Variants in CA10 observed in about 807,000 individuals in gnomAD.
CA10 encodes the protein carbonic anhydrase-related protein 10.
In CA10, 14 loss-of-function variants were observed where a neutral mutation model predicts 44.2. That is an observed-to-expected ratio of 0.32 (90% CI 0.21 to 0.50). The LOEUF is 0.50. Among genes scored for constraint, CA10 ranks in the 20% least tolerant of loss-of-function variants. The pLI is 0.99. For missense variants in CA10, 350 were observed against 409.7 expected (o/e 0.85, Z 1.26); for synonymous variants, 159 against 141.6 (o/e 1.12, Z -0.87).
At chr17:51,937,734 T>A (rs193219808) in intron 2 of CA10, among the ~76,000 whole-genome samples, 7 of 152,276 alleles carry the variant, frequency 4.6e-5, no homozygotes, top group Admixed American at 2.6e-4. Context: ...CAAATAGTTA[T>A]AACAAAATAT....
At chr17:52,147,154 G>A (rs1989606171) in intron 1 of CA10, among the ~76,000 whole-genome samples, 1 of 152,218 alleles carries the variant, frequency 6.6e-6, no homozygotes, top group African/African-American at 2.4e-5. Context: ...AAAAGTTACA[G>A]TTTCAAAATT....
intron 2 of CA10, among the ~76,000 whole-genome samples, chr17:51,999,591 T>C (rs1985352501): frequency 6.6e-6 from 1 of 152,000 alleles, no homozygotes; most frequent in South Asian, 2.1e-4. Flanking sequence ...GCACCTTCAG[T>C]TCCTGCTGGA....
chr17:51,642,554 G>T (rs937054825), intron 6 of CA10, among the ~76,000 whole-genome samples: 1 of 152,200 alleles, frequency 6.6e-6, no homozygotes, highest in African/African-American at 2.4e-5. Context: ...TCAAAGCGCT[G>T]AATCTGAAAG....
At chr17:52,128,915 C>A (rs1989174534) in intron 1 of CA10, among the ~76,000 whole-genome samples, 1 of 152,202 alleles carries the variant, frequency 6.6e-6, no homozygotes, top group African/African-American at 2.4e-5. Context: ...CTCTAATTCC[C>A]ATGGGTGAAT....
chr17:52,031,941 C>G (rs1986480193), intron 2 of CA10, among the ~76,000 whole-genome samples: 2 of 152,016 alleles, frequency 1.3e-5, no homozygotes, highest in Admixed American at 1.3e-4. Context: ...AACAGAGGGA[C>G]CAAAATTTGA....
At chr17:52,110,080 G>A (rs981627310) in intron 1 of CA10, among the ~76,000 whole-genome samples, 4 of 152,090 alleles carry the variant, frequency 2.6e-5, no homozygotes, top group South Asian at 2.1e-4. Flanking sequence ...ACTAGACACC[G>A]GCATGAGTCC....
chr17:51,673,969 TC>T (rs35906990), intron 4 of CA10, among the ~76,000 whole-genome samples: 100,104 of 151,884 alleles, frequency 0.66, 33,189 homozygotes, highest in African/African-American at 0.7. Context: ...AGAATGTCCT[TC>T]CCCCCCAGGT....
intron 3 of CA10, among the ~76,000 whole-genome samples, chr17:51,770,875 C>T (rs1259467640): frequency 3.3e-5 from 5 of 151,966 alleles, no homozygotes; most frequent in African/African-American, 1.2e-4. Flanking sequence ...CCTGTATTCA[C>T]AGCACTTTGG....
chr17:51,777,590 AATAT>A (rs1905872873), intron 3 of CA10, among the ~76,000 whole-genome samples: 1 of 152,162 alleles, frequency 6.6e-6, no homozygotes, highest in Non-Finnish European at 1.5e-5. Flanking sequence ...AGTCATCTTA[AATAT>A]TATAGCATAG....
At chr17:52,153,651 T>C (rs1208889410) in intron 1 of CA10, among the ~76,000 whole-genome samples, 5 of 152,166 alleles carry the variant, frequency 3.3e-5, no homozygotes, top group Admixed American at 2.6e-4. Flanking sequence ...TCCTGGAAAA[T>C]AGGGTTTGTG....
intron 3 of CA10, among the ~76,000 whole-genome samples, chr17:51,926,413 T>C (rs1982431667): frequency 6.6e-6 from 1 of 152,234 alleles, no homozygotes; most frequent in African/African-American, 2.4e-5. Context: ...GTATAATCTT[T>C]ATGTTCACAT....
rs75056608 is a variant in CA10, at chr17:51,961,372, T to G, written c.137-30240A>C. On this transcript the variant is annotated intron_variant, in intron 2 of 8. Coordinates refer to ENST00000451037, the MANE Select transcript of CA10 (RefSeq NM_020178.5). Reference sequence around the variant, plus strand: ...ATTATAAGTGAAAAATTCAAATCAATAACCTAGGTTTCCATATTAAAATAT... The same window carrying G: ...ATTATAAGTGAAAAATTCAAATCAAGAACCTAGGTTTCCATATTAAAATAT... Among the ~76,000 whole-genome samples, 402 of 151,774 alleles carry G rather than the reference T, an allele frequency of 2.6e-3. 1 individual carries two copies. In the Middle Eastern group the frequency reaches 0.044, roughly 17 times the overall value.
At chr17:51,863,393 TG>T (rs1979402226) in intron 3 of CA10, among the ~76,000 whole-genome samples, 1 of 152,216 alleles carries the variant, frequency 6.6e-6, no homozygotes. Flanking sequence ...ATGAGTTAGA[TG>T]GCACGGACCT....
At chr17:51,903,064 A>G (rs995479068) in intron 3 of CA10, among the ~76,000 whole-genome samples, 11 of 152,184 alleles carry the variant, frequency 7.2e-5, no homozygotes, top group African/African-American at 2.7e-4. Context: ...CAGACACATG[A>G]TATTTATCCT....
chr17:52,130,914 G>A (rs561162567), intron 1 of CA10, among the ~76,000 whole-genome samples: 1 of 152,136 alleles, frequency 6.6e-6, no homozygotes, highest in African/African-American at 2.4e-5. Flanking sequence ...GTACACCATG[G>A]TGACTATAGT....
At chr17:52,113,115 T>G (rs762409915) in intron 1 of CA10, among the ~76,000 whole-genome samples, 2 of 152,160 alleles carry the variant, frequency 1.3e-5, no homozygotes, top group Non-Finnish European at 2.9e-5. Context: ...CAATTAGAGG[T>G]TCTAAAGATA....
chr17:52,007,514 G>A (rs1252293126), intron 2 of CA10, among the ~76,000 whole-genome samples: 1 of 151,456 alleles, frequency 6.6e-6, no homozygotes, highest in African/African-American at 2.4e-5. Context: ...TTTAATCAAT[G>A]TACAGAATTA....
chr17:52,138,706 C>A (rs1474245236), intron 1 of CA10, among the ~76,000 whole-genome samples: 1 of 152,320 alleles, frequency 6.6e-6, no homozygotes, highest in Non-Finnish European at 1.5e-5. Context: ...TGAGATCTGG[C>A]TGTTTCTACA....
At chr17:51,805,802 T>G (rs2143727908) in intron 3 of CA10, among the ~76,000 whole-genome samples, 1 of 152,302 alleles carries the variant, frequency 6.6e-6, no homozygotes, top group Middle Eastern at 3.4e-3. Flanking sequence ...ACTGATCTTC[T>G]TTCTATAGAT....
Sources: allele counts gnomAD v4.1 joint callset (sites outside exome capture counted in the v4.1 genomes callset), GRCh38; gene constraint gnomAD v4.1.1; transcripts MANE v1.5; gene names NCBI Gene and HGNC (gene_info 2026-07-23, HGNC 2026-07-21).